UTRN: variants seen among roughly 807,000 people sequenced by gnomAD.
The protein encoded by UTRN is utrophin.
Under a neutral mutation model 463.9 loss-of-function variants are expected in UTRN, and 283 were observed. The ratio of observed to expected loss-of-function variants is 0.61; its 90% CI spans 0.55 to 0.67. The LOEUF is 0.67. Ranked by LOEUF, UTRN falls within the 30% of genes least tolerant of loss-of-function variation. UTRN has a pLI of 0.00. For synonymous variants in UTRN, 1,442 were observed against 1,431.5 expected (o/e 1.01, Z -0.17); for missense variants, 3,922 against 4,084.3 (o/e 0.96, Z 1.08).
At chr6:144,488,594 T>C in intron 29 of UTRN, 79 bp from the exon 30 acceptor site, 1 of 1,394,696 alleles carries the variant, frequency 7.2e-7, no homozygotes, top group Non-Finnish European at 9.6e-7. Context: ...TATGGTCTTT[T>C]CTTAGTGGCC....
chr6:144,740,616 A>G (rs1353382701), intron 54 of UTRN, among the ~76,000 whole-genome samples: 1 of 152,240 alleles, frequency 6.6e-6, no homozygotes, highest in African/African-American at 2.4e-5. Context: ...TCTTAACTAC[A>G]GAGCAGTAAT....
chr6:144,694,442 T>G (rs1208511759), intron 52 of UTRN, among the ~76,000 whole-genome samples: 1 of 152,124 alleles, frequency 6.6e-6, no homozygotes, highest in African/African-American at 2.4e-5. Context: ...CTCAATTTTG[T>G]GGAACAGTTT....
chr6:144,601,466 AC>A (rs1804244317), intron 51 of UTRN, among the ~76,000 whole-genome samples: 1 of 151,094 alleles, frequency 6.6e-6, no homozygotes, highest in African/African-American at 2.4e-5. Flanking sequence ...GGAAATAACT[AC>A]AGCTGTGGTG....
intron 56 of UTRN, among the ~76,000 whole-genome samples, chr6:144,754,189 A>G (rs1344057506): frequency 6.6e-6 from 1 of 151,932 alleles, no homozygotes; most frequent in Non-Finnish European, 1.5e-5. Context: ...GCTCCCCATA[A>G]CACTTTTTAC....
At chr6:144,373,339 C>T (rs550098910) in intron 2 of UTRN, among the ~76,000 whole-genome samples, 37 of 152,268 alleles carry the variant, frequency 2.4e-4, no homozygotes, top group Middle Eastern at 3.4e-3. Flanking sequence ...TTCAGCCATA[C>T]AGGAAATACA....
Position 144,730,500 on chromosome 6 carries a change from C to T in UTRN, c.7939+14C>T. On this transcript the variant is annotated intron_variant, in intron 54 of 74. Coordinates refer to ENST00000367545, the MANE Select transcript of UTRN (RefSeq NM_007124.3). ...AATCAAAAACAGGTGAGACTGGTTT[C>T]TCCACTACATCATAAAAACACATGC... 6.3e-7 allele frequency: 1 copy of T among 1,596,526 alleles called. No individual in the cohort carries two copies.
At chr6:144,402,063 T>C (rs1340763322) in intron 2 of UTRN, among the ~76,000 whole-genome samples, 1 of 152,246 alleles carries the variant, frequency 6.6e-6, no homozygotes, top group Non-Finnish European at 1.5e-5. Context: ...AAGCCAACAA[T>C]GACTCTTTTA....
rs1475450558 is a variant in UTRN, at chr6:144,839,248, G to A, written c.10141G>A (p.Asp3381Asn). The change falls in exon 72 of 75, where the codon GAT (aspartate) becomes AAT (asparagine). Residue 3381 changes from aspartate to asparagine, a missense_variant. Physicochemically the swap from Asp to Asn is conservative, Grantham distance 23. Coordinates refer to ENST00000367545, the MANE Select transcript of UTRN (RefSeq NM_007124.3). ...PQHSALSYSL[D>N]PDASGPQFHQ... Reference sequence around the variant, plus strand: ...GCATTCTGCACTGAGCTACTCGCTTGATCCAGATGCCTCCGGCCCACAGTT... The same window carrying A: ...GCATTCTGCACTGAGCTACTCGCTTAATCCAGATGCCTCCGGCCCACAGTT... The A allele has an allele frequency of 1.9e-6, 3 of 1,613,846 alleles. No individual in the cohort carries two copies. Among genetic ancestry groups the A allele is most frequent in the African/African-American group, 2.7e-5 (2 of 74,932 alleles).
At chr6:144,426,578 C>T (rs1785313369) in intron 7 of UTRN, 119 bp downstream of exon 7, 1 of 1,006,598 alleles carries the variant, frequency 9.9e-7, no homozygotes, top group Admixed American at 3.6e-5. Context: ...CCTTTCTGCA[C>T]ATGTTCTACC....
chr6:144,518,467 C>T (rs1795820655), intron 39 of UTRN, among the ~76,000 whole-genome samples: 1 of 152,178 alleles, frequency 6.6e-6, no homozygotes. Context: ...CATCATGTGC[C>T]TTAGCACATC....
intron 54 of UTRN, among the ~76,000 whole-genome samples, chr6:144,746,247 C>T (rs536101604): frequency 3.9e-4 from 60 of 152,084 alleles, no homozygotes; most frequent in African/African-American, 1.4e-3. Context: ...AGGTAATCCA[C>T]CTGCCTTGGC....
At chr6:144,489,414 G>T (rs1792811433) in intron 30 of UTRN, among the ~76,000 whole-genome samples, 1 of 152,092 alleles carries the variant, frequency 6.6e-6, no homozygotes, top group South Asian at 2.1e-4. Flanking sequence ...CTCCCAAAAT[G>T]CTGGGATTAC....
chr6:144,322,096 T>C (rs1775695529), intron 2 of UTRN, among the ~76,000 whole-genome samples: 1 of 152,232 alleles, frequency 6.6e-6, no homozygotes, highest in Non-Finnish European at 1.5e-5. Context: ...TAGTTCTCAG[T>C]GCTGAGCCTC....
At chr6:144,732,308 A>G (rs1203490830) in intron 54 of UTRN, among the ~76,000 whole-genome samples, 1 of 144,922 alleles carries the variant, frequency 6.9e-6, no homozygotes, top group East Asian at 2.2e-4. Context: ...ACATATATAT[A>G]TATAAAAAAT....
At chr6:144,369,232 A>G (rs1779774048) in intron 2 of UTRN, among the ~76,000 whole-genome samples, 1 of 152,270 alleles carries the variant, frequency 6.6e-6, no homozygotes, top group Non-Finnish European at 1.5e-5. Flanking sequence ...TTGTAGGACC[A>G]TCTGACAGAG....
chr6:144,307,333 G>C (rs902986978), intron 2 of UTRN, among the ~76,000 whole-genome samples: 1 of 152,190 alleles, frequency 6.6e-6, no homozygotes, highest in Non-Finnish European at 1.5e-5. Flanking sequence ...GGGAGGGAGA[G>C]AAGAGGTTAA....
chr6:144,511,013 CA>C lies in UTRN; in HGVS notation c.4838del (p.Asn1613ThrfsTer2). 6.2e-7 allele frequency: 1 copy of C among 1,613,120 alleles called. No individual in the cohort carries two copies. Among genetic ancestry groups the C allele is most frequent in the Non-Finnish European group, 8.5e-7 (1 of 1,179,368 alleles). On this transcript the variant is annotated frameshift_variant, in exon 35 of 75. Coordinates refer to ENST00000367545, the MANE Select transcript of UTRN (RefSeq NM_007124.3). LOFTEE classifies it high-confidence loss of function. ...CATCACAGAGAGTAGTGCTGCCCTG[CA>C]AAACTTGATTGAGGGCAGTGAGCCT... is the stretch of plus-strand genomic sequence containing the variant. The part of the protein sequence containing the change: ...NTITESSAAL[Q>X]NLIEGSEPIL...
rs11397588 is a variant in UTRN, at chr6:144,819,911, C to CCTCCTCCTCTCT, written c.9358-968_9358-967insCTCCTCTCTCTC. Among the ~76,000 whole-genome samples the CCTCCTCCTCTCT allele has an allele frequency of 5.1e-3, 601 of 118,454 alleles. 7 individuals are homozygous for CCTCCTCCTCTCT. The highest frequency in any genetic ancestry group is 0.02 in the African/African-American group (525 of 25,982). 77.7% of individuals were successfully genotyped at this position (118,454 alleles called of 152,430 possible). On this transcript the variant is annotated intron_variant, in intron 65 of 74. Transcript: ENST00000367545. ...TCCTCCTCCTCCTCCTCCTCCTCCT[C>CCTCCTCCTCTCT]CTCTCTCTCTCTCTCTCTCTCTTTC...
In UTRN at chr6:144,809,623, G is replaced by A. The variant is rs186539159; in HGVS notation, c.9357+6476G>A. 7.2e-4 allele frequency among the ~76,000 whole-genome samples: 110 copies of A among 152,224 alleles called. No homozygotes were observed. The Middle Eastern group carries it at 0.014, about 19-fold the overall frequency. On this transcript the variant is annotated intron_variant, in intron 65 of 74. Coordinates refer to ENST00000367545, the MANE Select transcript of UTRN (RefSeq NM_007124.3). Reference sequence around the variant, plus strand: ...ACTAAAAGTGGTTTTAAGTTATGATGAGGCCTGGGGTATGGCCATACCCCA... The same window carrying A: ...ACTAAAAGTGGTTTTAAGTTATGATAAGGCCTGGGGTATGGCCATACCCCA...
Sources: gnomAD v4.1 joint callset for allele counts (sites outside exome capture counted in the v4.1 genomes callset) on GRCh38, gnomAD v4.1.1 for gene constraint, MANE v1.5 for transcripts, NCBI Gene and HGNC (gene_info 2026-07-23, HGNC 2026-07-21) for gene names.